The following DPP8 variants were observed in gnomAD, a reference collection of about 807,000 sequenced individuals.
DPP8 encodes the protein dipeptidyl peptidase 8, also known as DPP VIII.
DPP8 carries 31 observed loss-of-function variants against 107.5 expected under a neutral mutation model. The ratio of observed to expected loss-of-function variants is 0.29; its 90% CI spans 0.22 to 0.39. DPP8 has a LOEUF of 0.39. Ranked by LOEUF, DPP8 falls within the 10% of genes least tolerant of loss-of-function variation. The pLI is 1.00. For missense variants in DPP8, 842 were observed against 1,076.1 expected, an observed-to-expected ratio of 0.78 and a Z score of 3.04; for synonymous variants, 381 against 356.6, an observed-to-expected ratio of 1.07 and a Z score of -0.77.
intron 10 of DPP8, among the ~76,000 whole-genome samples, chr15:65,479,904 A>T: frequency 6.6e-6 from 1 of 151,826 alleles, no homozygotes; most frequent in Non-Finnish European, 1.5e-5. Flanking sequence ...ACAGTTTACC[A>T]ACATAAAAGA....
At chr15:65,510,980 G>A (rs1341032486) in intron 2 of DPP8, among the ~76,000 whole-genome samples, 1 of 152,178 alleles carries the variant, frequency 6.6e-6, no homozygotes, top group Non-Finnish European at 1.5e-5. Context: ...TGTATGCATG[G>A]AGAAATAGAT....
At chr15:65,517,393 C>T (rs974703111) in intron 1 of DPP8, 93 bp downstream of exon 1, 9 of 152,444 alleles carry the variant, frequency 5.9e-5, no homozygotes, top group African/African-American at 1.7e-4. Flanking sequence ...TGAGAACGCG[C>T]CGAGCAGTCC....
chr15:65,475,587 CTTCTGAGGTAGCCATATCAGCTAT>C (rs559217971), intron 11 of DPP8: 1 of 1,154,858 alleles, frequency 8.7e-7, no homozygotes, highest in African/African-American at 1.5e-5. Context: ...CTCCCTGGCA[CTTCTGAGGTAGCCATATCAGCTAT>C]TTCAACAAGG....
chr15:65,514,683 G>C (rs546375175), intron 1 of DPP8, among the ~76,000 whole-genome samples: 4 of 152,228 alleles, frequency 2.6e-5, no homozygotes, highest in South Asian at 4.2e-4. Context: ...GTTAATTTTT[G>C]TATTTTTTAG....
rs1260033798 is a variant in DPP8, at chr15:65,442,489, T to A, written c.*4395A>T. On this transcript the variant is annotated 3_prime_UTR_variant, in exon 20 of 20. Coordinates refer to ENST00000300141, the MANE Select transcript of DPP8 (RefSeq NM_130434.5). ...CAATTAATTTCAGCAGCATCTTTATTGCAACAAAGAACCTGTAATAAAATG... is the reference window on the plus strand; with the variant it reads ...CAATTAATTTCAGCAGCATCTTTATAGCAACAAAGAACCTGTAATAAAATG... 2.0e-5 allele frequency: 3 copies of A among 152,184 alleles called. No homozygotes were observed. Among genetic ancestry groups the A allele is most frequent in the Non-Finnish European group, 4.4e-5 (3 of 68,016 alleles). 9.4% of individuals were successfully genotyped at this position (152,184 alleles called of 1,614,324 possible).
intron 14 of DPP8, among the ~76,000 whole-genome samples, chr15:65,464,929 G>A (rs2065214000): frequency 6.6e-6 from 1 of 152,054 alleles, no homozygotes; most frequent in Admixed American, 6.6e-5. Flanking sequence ...TAATTTTTCA[G>A]GGTAGGTGAC....
At chr15:65,512,183 C>A in intron 2 of DPP8, 112 bp downstream of exon 2, 1 of 1,113,130 alleles carries the variant, frequency 9.0e-7, no homozygotes, top group Non-Finnish European at 1.3e-6. Flanking sequence ...TTTAATGAAA[C>A]CAAAAGTCAC....
At chr15:65,500,869 GAC>G in intron 3 of DPP8, 90 bp from the exon 4 acceptor site, 14 of 566,384 alleles carry the variant, frequency 2.5e-5, no homozygotes, top group South Asian at 5.5e-5. Flanking sequence ...CAACATTATT[GAC>G]TCTTTTTTTT....
chr15:65,501,239 C>A (rs1356721196), intron 3 of DPP8, among the ~76,000 whole-genome samples: 1 of 151,996 alleles, frequency 6.6e-6, no homozygotes, highest in Non-Finnish European at 1.5e-5. Flanking sequence ...TAAGTGACCC[C>A]AAAATTTGCT....
At chr15:65,485,251 AATAAC>A (rs1268988303) in intron 7 of DPP8, 91 bp from the exon 8 acceptor site, 1 of 1,002,876 alleles carries the variant, frequency 1.0e-6, no homozygotes, top group African/African-American at 1.6e-5. Flanking sequence ...TTTAGTTAAG[AATAAC>A]GTATAGGTCG....
intron 3 of DPP8, among the ~76,000 whole-genome samples, chr15:65,505,121 C>T (rs1052019783): frequency 4.6e-5 from 7 of 151,334 alleles, no homozygotes; most frequent in Admixed American, 2.0e-4. Flanking sequence ...TTTGGGAGGC[C>T]GAGGCAGGCG....
chr15:65,504,223 T>C (rs1028715612), intron 3 of DPP8, among the ~76,000 whole-genome samples: 7 of 151,492 alleles, frequency 4.6e-5, no homozygotes, highest in Non-Finnish European at 7.4e-5. Context: ...ATCATCCGGG[T>C]GTGGTGGCGC....
At chr15:65,480,783 G>A (rs924669955) in intron 9 of DPP8, among the ~76,000 whole-genome samples, 4 of 152,150 alleles carry the variant, frequency 2.6e-5, no homozygotes, top group Non-Finnish European at 4.4e-5. Flanking sequence ...GGGTGACACA[G>A]AGAGAGACCC....
intron 2 of DPP8, among the ~76,000 whole-genome samples, chr15:65,508,540 C>T (rs1308759217): frequency 4.6e-5 from 7 of 152,084 alleles, no homozygotes; most frequent in Non-Finnish European, 1.0e-4. Flanking sequence ...TAAGGTAAAA[C>T]AAAGCCTTTC....
chr15:65,461,490 A>G (rs1181630602), intron 15 of DPP8, among the ~76,000 whole-genome samples: 2 of 152,090 alleles, frequency 1.3e-5, no homozygotes, highest in African/African-American at 4.8e-5. Flanking sequence ...ATACTGTATC[A>G]TTTCTTCACT....
At chr15:65,473,186 A>G (rs1333642044) in intron 12 of DPP8, among the ~76,000 whole-genome samples, 2 of 146,974 alleles carry the variant, frequency 1.4e-5, no homozygotes, top group South Asian at 2.2e-4. Context: ...TTAGCCGGGC[A>G]TGGTGGTGTG....
At chr15:65,463,720 T>A (rs764732665) in intron 15 of DPP8, 41 bp downstream of exon 15, 2 of 1,507,778 alleles carry the variant, frequency 1.3e-6, no homozygotes, top group East Asian at 2.3e-5. Flanking sequence ...AAAATACATA[T>A]GCATATGGGT....
chr15:65,510,603 A>C (rs1389789829), intron 2 of DPP8, among the ~76,000 whole-genome samples: 1 of 152,024 alleles, frequency 6.6e-6, no homozygotes, highest in Non-Finnish European at 1.5e-5. Context: ...CAGTGGCACC[A>C]TCTCAGCTCA....
Position 65,500,145 on chromosome 15 carries a change from G to A in DPP8, c.546+461C>T, listed in dbSNP as rs536593280. ...AAAAAATTATCTCCTAAGGCTGGGC[G>A]CGGTGGCTCATGTCTGTAATCCTAG... On this transcript the variant is annotated intron_variant, in intron 4 of 19. Transcript: ENST00000300141. Among the ~76,000 whole-genome samples the A allele has an allele frequency of 1.4e-3, 208 of 152,164 alleles. 2 individuals are homozygous for A. Among genetic ancestry groups the A allele is most frequent in the African/African-American group, 4.6e-3 (192 of 41,498 alleles).
Sources: gnomAD v4.1 joint callset for allele counts (sites outside exome capture counted in the v4.1 genomes callset) on GRCh38, gnomAD v4.1.1 for gene constraint, MANE v1.5 for transcripts, NCBI Gene and HGNC (gene_info 2026-07-23, HGNC 2026-07-21) for gene names.